INMT: variants seen among roughly 807,000 people sequenced by gnomAD.
The protein encoded by INMT is indolethylamine N-methyltransferase, also known as amine N-methyltransferase.
In INMT, 11 loss-of-function variants were observed where a neutral mutation model predicts 11.5. The ratio of observed to expected loss-of-function variants is 0.95; its 90% CI spans 0.60 to 1.58. The LOEUF (loss-of-function observed/expected upper bound fraction) is 1.58, where lower values mean the gene tolerates loss of function less well. INMT is among the 40% of genes most tolerant of loss of function. The pLI, the probability that INMT is intolerant of heterozygous loss-of-function variation, is 0.00. For missense variants in INMT, 316 were observed against 336.1 expected, an observed-to-expected ratio of 0.94 and a Z score of 0.47; for synonymous variants, 155 against 142.9, an observed-to-expected ratio of 1.08 and a Z score of -0.60.
chr7:30,753,738 C>G lies in INMT; in HGVS notation c.162C>G (p.Leu54=). ...AGTCTTTCCCTCCCACAGGAGGCCTCCAAGGGGACACGCTGATTGACATTG... is the reference window on the plus strand; with the variant it reads ...AGTCTTTCCCTCCCACAGGAGGCCTGCAAGGGGACACGCTGATTGACATTG... ...CLHKTFGPGG[L]QGDTLIDIGS... The change falls in exon 2 of 3, where the codon CTC becomes CTG. Residue 54 remains leucine (L), a synonymous_variant. Coordinates refer to ENST00000013222, the MANE Select transcript of INMT (RefSeq NM_006774.5). 6.2e-7 allele frequency: 1 copy of G among 1,614,128 alleles called. No individual in the cohort carries two copies.
At chr7:30,755,244 T>A (rs562059405) in intron 2 of INMT, among the ~76,000 whole-genome samples, 178 bp from the exon 3 acceptor site, 13 of 152,324 alleles carry the variant, frequency 8.5e-5, no homozygotes, top group Middle Eastern at 3.4e-3. Context: ...CTAACCATTT[T>A]TCTTTGGGAG....
At position 30,755,925 on chromosome 7, in the gene INMT, A is replaced by G; in HGVS notation, c.*74A>G. ...TCTGTATGCTAGAGAGGGGTGAGGA[A>G]TGGATACTGTCTAACAGTCTCTGAT... On this transcript the variant is annotated 3_prime_UTR_variant, in exon 3 of 3. Coordinates refer to ENST00000013222, the MANE Select transcript of INMT (RefSeq NM_006774.5). 1 of 1,521,332 alleles carries G rather than the reference A, an allele frequency of 6.6e-7. No individual in the cohort carries two copies. The highest frequency in any genetic ancestry group is 8.8e-7 in the Non-Finnish European group (1 of 1,139,930). The allele number at this position is 1,521,332 out of a possible 1,614,324, so 94.2% of individuals were successfully genotyped here.
intron 1 of INMT, 92 bp downstream of exon 1, chr7:30,752,396 T>A: frequency 9.1e-7 from 1 of 1,094,578 alleles, no homozygotes; most frequent in Non-Finnish European, 1.3e-6. Flanking sequence ...TCTGGTCTCC[T>A]CTAGGGGTTT....
chr7:30,755,371 T>C, intron 2 of INMT, 51 bp from the exon 3 acceptor site: 2 of 1,455,884 alleles, frequency 1.4e-6, no homozygotes, highest in Non-Finnish European at 1.8e-6. Flanking sequence ...GGACTGAGAG[T>C]TCCCTTCAGA....
At position 30,755,626 on chromosome 7, in the gene INMT, G is replaced by T. The variant is rs10225477; in HGVS notation, c.567G>T (p.Pro189=). 2 of 1,614,188 alleles carry T rather than the reference G, an allele frequency of 1.2e-6. No homozygotes were observed. Among genetic ancestry groups the T allele is most frequent in the South Asian group, 1.1e-5 (1 of 91,078 alleles). ...ALCNLASLLK[P]GGHLVTTVTL... Reference sequence around the variant, plus strand: ...GCAACCTTGCCTCACTGCTCAAGCCGGGTGGCCACCTGGTGACCACTGTCA... The same window carrying T: ...GCAACCTTGCCTCACTGCTCAAGCCTGGTGGCCACCTGGTGACCACTGTCA... Residue 189 remains proline, a synonymous_variant, in exon 3 of 3, where the codon CCG becomes CCT. Coordinates refer to ENST00000013222, the MANE Select transcript of INMT (RefSeq NM_006774.5).
rs1362860066 is a variant in INMT at position 30,757,417 on chromosome 7, C to T, written c.*1566C>T. 2 of 233,312 alleles carry T rather than the reference C, an allele frequency of 8.6e-6. No individual in the cohort carries two copies. The highest frequency in any genetic ancestry group is 4.7e-5 in the African/African-American group (2 of 42,372). 14.5% of individuals were successfully genotyped at this position (233,312 alleles called of 1,614,324 possible). ...TGGACAGGAAGGAGCCAGGACACAG[C>T]TCAGCTTGCTCACGCCCAGAGAGAG... is the stretch of plus-strand genomic sequence containing the variant. On this transcript the variant is annotated 3_prime_UTR_variant, in exon 3 of 3. Coordinates refer to ENST00000013222, the MANE Select transcript of INMT (RefSeq NM_006774.5).
chr7:30,755,296 C>A (rs376498046), intron 2 of INMT, 126 bp from the exon 3 acceptor site: 2 of 824,536 alleles, frequency 2.4e-6, no homozygotes, highest in African/African-American at 3.4e-5. Context: ...TGTCAGGTCA[C>A]ACAGGGACTC....
chr7:30,755,096 T>TCATC (rs1230278941), intron 2 of INMT, among the ~76,000 whole-genome samples: 5 of 151,916 alleles, frequency 3.3e-5, no homozygotes, highest in South Asian at 2.1e-4. Context: ...ATTAATTCAT[T>TCATC]CATCCATCCA....
In INMT at chr7:30,753,881, C is replaced by A. The variant is rs201521957; in HGVS notation, c.305C>A (p.Pro102Gln). Reference sequence around the variant, plus strand: ...CTGGAAAAGTGGCTGAAGAAGGAGCCGGGGGCCTATGACTGGACCCCAGCG... The same window carrying A: ...CTGGAAAAGTGGCTGAAGAAGGAGCAGGGGGCCTATGACTGGACCCCAGCG... The part of the protein sequence containing the change: ...EELEKWLKKE[P>Q]GAYDWTPAVK... The change falls in exon 2 of 3, where the codon CCG becomes CAG. Residue 102 changes from proline to glutamine, a missense_variant. Transcript: ENST00000013222. 1 of 1,614,138 alleles carries A rather than the reference C, an allele frequency of 6.2e-7. No individual in the cohort carries two copies. The highest frequency in any genetic ancestry group is 2.2e-5 in the East Asian group (1 of 44,878).
chr7:30,754,987 A>T lies in INMT; in HGVS notation c.363-435A>T, dbSNP rs1170678811. ...AGTTTTAGTCGCCTTTGAGCTTTAT[A>T]GCAGAGTAATTTGCTCTGTGTCATT... On this transcript the variant is annotated intron_variant, in intron 2 of 2. Coordinates refer to ENST00000013222, the MANE Select transcript of INMT (RefSeq NM_006774.5). This position sits in a 1 kb window ranked among gnomAD's most constrained non-coding sequence, Gnocchi z 4.9. Among the ~76,000 whole-genome samples, 1 of 152,216 alleles carries T rather than the reference A, an allele frequency of 6.6e-6. No homozygotes were observed. Among genetic ancestry groups the T allele is most frequent in the Non-Finnish European group, 1.5e-5 (1 of 68,046 alleles).
intron 1 of INMT, among the ~76,000 whole-genome samples, chr7:30,753,096 A>G (rs969472389): frequency 5.5e-4 from 83 of 152,190 alleles, no homozygotes; most frequent in African/African-American, 1.9e-3. Context: ...AGGCCAAGTG[A>G]TGGCCCCACG....
rs531028344 is a variant in INMT at position 30,753,840 on chromosome 7, C to T, written c.264C>T (p.Asp88=). The T allele has an allele frequency of 6.2e-7, 1 of 1,614,220 alleles. No homozygotes were observed. The highest frequency in any genetic ancestry group is 1.7e-5 in the Admixed American group (1 of 60,024). ...ACATCACTCTCTCCGACTTTACCGA[C>T]CGCAACCGGGAGGAGCTGGAAAAGT... ...FQDITLSDFT[D]RNREELEKWL... Residue 88 remains aspartate, a synonymous_variant, in exon 2 of 3, where the codon GAC becomes GAT. Coordinates refer to ENST00000013222, the MANE Select transcript of INMT (RefSeq NM_006774.5).
chr7:30,755,914 A>T lies in INMT; in HGVS notation c.*63A>T. On this transcript the variant is annotated 3_prime_UTR_variant, in exon 3 of 3. Transcript: ENST00000013222. ...GGCCTTGGCCATCTGTATGCTAGAG[A>T]GGGGTGAGGAATGGATACTGTCTAA... The T allele has an allele frequency of 6.5e-7, 1 of 1,536,392 alleles. No individual in the cohort carries two copies. Among genetic ancestry groups the T allele is most frequent in the South Asian group, 1.2e-5 (1 of 81,100 alleles).
chr7:30,755,944 C>A lies in INMT; in HGVS notation c.*93C>A, dbSNP rs1786232695. 2 of 1,476,624 alleles carry A rather than the reference C, an allele frequency of 1.4e-6. No homozygotes were observed. The highest frequency in any genetic ancestry group is 2.8e-5 in the African/African-American group (2 of 71,408). The allele number at this position is 1,476,624 out of a possible 1,614,324, so 91.5% of individuals were successfully genotyped here. A position where few individuals can be genotyped will look rare whatever the true frequency, so the allele number is the denominator to read the frequency against. ...TGAGGAATGGATACTGTCTAACAGT[C>A]TCTGATTTCAACACTAACATTCCAT... On this transcript the variant is annotated 3_prime_UTR_variant, in exon 3 of 3. Coordinates refer to ENST00000013222, the MANE Select transcript of INMT (RefSeq NM_006774.5).
rs764129138 is a variant in INMT at position 30,755,883 on chromosome 7, C to T, written c.*32C>T. 1 of 1,580,744 alleles carries T rather than the reference C, an allele frequency of 6.3e-7. No individual in the cohort carries two copies. The highest frequency in any genetic ancestry group is 8.6e-7 in the Non-Finnish European group (1 of 1,164,336). ...AGGGCCAGCCAGAGGTCTGGTCAGG[C>T]TGTGAGGCCTTGGCCATCTGTATGC... On this transcript the variant is annotated 3_prime_UTR_variant, in exon 3 of 3. Transcript: ENST00000013222.
chr7:30,753,848 G>A lies in INMT; in HGVS notation c.272G>A (p.Arg91Gln), dbSNP rs200629016. Residue 91 changes from arginine to glutamine, a missense_variant, in exon 2 of 3, where the codon CGG (arginine) becomes CAG (glutamine). Transcript: ENST00000013222. The stretch of plus-strand genomic sequence containing the variant: ...CTCTCCGACTTTACCGACCGCAACC[G>A]GGAGGAGCTGGAAAAGTGGCTGAAG... The part of the protein sequence containing the change: ...ITLSDFTDRN[R>Q]EELEKWLKKE... 875 of 1,614,178 alleles carry A rather than the reference G, an allele frequency of 5.4e-4. 1 individual carries two copies. Among genetic ancestry groups the A allele is most frequent in the Non-Finnish European group, 7.1e-4 (835 of 1,180,024 alleles).
At position 30,755,652 on chromosome 7, in the gene INMT, C is replaced by T. The variant is rs781666984; in HGVS notation, c.593C>T (p.Thr198Met). ...GGTGGCCACCTGGTGACCACTGTCA[C>T]GCTTCGGCTCCCGTCCTACATGGTG... ...KPGGHLVTTV[T>M]LRLPSYMVGK... The change falls in exon 3 of 3, where the codon ACG (threonine) becomes ATG (methionine). Residue 198 changes from threonine to methionine, a missense_variant. Physicochemically the swap from Thr to Met is moderately conservative, Grantham distance 81 (BLOSUM62 -1). Coordinates refer to ENST00000013222, the MANE Select transcript of INMT (RefSeq NM_006774.5). The T allele has an allele frequency of 4.3e-5, 70 of 1,614,094 alleles. 1 individual carries two copies. The highest frequency in any genetic ancestry group is 6.6e-5 in the South Asian group (6 of 91,090).
Position 30,754,952 on chromosome 7 carries a change from T to G in INMT, c.363-470T>G, listed in dbSNP as rs1426491205. 6.6e-6 allele frequency among the ~76,000 whole-genome samples: 1 copy of G among 152,248 alleles called. No homozygotes were observed. Among genetic ancestry groups the G allele is most frequent in the African/African-American group, 2.4e-5 (1 of 41,462 alleles). ...TGCATACTTATGTATATCTAAACAA[T>G]CTATAATTTAGTTTTAGTCGCCTTT... On this transcript the variant is annotated intron_variant, in intron 2 of 2. Coordinates refer to ENST00000013222, the MANE Select transcript of INMT (RefSeq NM_006774.5). The surrounding 1 kb of genome is among the most constrained non-coding windows in gnomAD (Gnocchi z 4.9).
chr7:30,753,751 C>G lies in INMT; in HGVS notation c.175C>G (p.Leu59Val). The G allele has an allele frequency of 2.5e-6, 4 of 1,614,170 alleles. No individual in the cohort carries two copies. Among genetic ancestry groups the G allele is most frequent in the Non-Finnish European group, 3.4e-6 (4 of 1,180,020 alleles). Residue 59 changes from leucine to valine, a missense_variant, in exon 2 of 3, where the codon CTG becomes GTG. Transcript: ENST00000013222. ...CACAGGAGGCCTCCAAGGGGACACG[C>G]TGATTGACATTGGCTCAGGTCCTAC... ...FGPGGLQGDT[L>V]IDIGSGPTIY...
Sources: gnomAD v4.1 joint callset for allele counts (sites outside exome capture counted in the v4.1 genomes callset) on GRCh38, gnomAD v4.1.1 for gene constraint, Gnocchi (gnomAD v3.1) non-coding constraint, MANE v1.5 for transcripts, NCBI Gene and HGNC (gene_info 2026-07-23, HGNC 2026-07-21) for gene names.